TBC1D12: variants seen among roughly 807,000 people sequenced by gnomAD.
TBC1D12 encodes TBC1 domain family, member 12.
A neutral mutation model predicts 86.7 loss-of-function variants in TBC1D12; 56 were observed. That is an observed-to-expected ratio of 0.65 (90% CI 0.52 to 0.81). The LOEUF is 0.81. Ranked by LOEUF, TBC1D12 falls within the 30% of genes least tolerant of loss-of-function variation. TBC1D12 has a pLI of 0.00. For missense variants in TBC1D12, 1,023 were observed against 1,038.8 expected, an observed-to-expected ratio of 0.98 and a Z score of 0.21; for synonymous variants, 421 against 411.7, an observed-to-expected ratio of 1.02 and a Z score of -0.27.
chr10:94,404,062 C>T (rs1195290476), intron 1 of TBC1D12, among the ~76,000 whole-genome samples: 1 of 152,138 alleles, frequency 6.6e-6, no homozygotes, highest in Non-Finnish European at 1.5e-5. Context: ...TTTTGTAGAG[C>T]TGTTTATTTG....
At chr10:94,407,722 AAGG>A in intron 1 of TBC1D12, among the ~76,000 whole-genome samples, 1 of 151,894 alleles carries the variant, frequency 6.6e-6, no homozygotes, top group East Asian at 1.9e-4. Flanking sequence ...ACTCAGCAGT[AAGG>A]AGGAGTGAAA....
At chr10:94,496,800 G>C (rs542345296) in intron 4 of TBC1D12, among the ~76,000 whole-genome samples, 27 of 152,224 alleles carry the variant, frequency 1.8e-4, no homozygotes, top group African/African-American at 4.3e-4. Flanking sequence ...GGAGTTCAAG[G>C]CCACCTGAGC....
intron 11 of TBC1D12, among the ~76,000 whole-genome samples, chr10:94,529,291 G>A (rs544088506): frequency 4.6e-5 from 7 of 152,302 alleles, no homozygotes; most frequent in African/African-American, 1.7e-4. Flanking sequence ...ACAGGCATGA[G>A]CCACCAGACC....
chr10:94,433,341 A>T (rs1026856055), intron 1 of TBC1D12, among the ~76,000 whole-genome samples: 1 of 151,770 alleles, frequency 6.6e-6, no homozygotes, highest in Non-Finnish European at 1.5e-5. Context: ...CTGTTCTCGA[A>T]CTCCTGACTG....
At chr10:94,512,908 A>G (rs1427833913) in intron 9 of TBC1D12, among the ~76,000 whole-genome samples, 1 of 152,170 alleles carries the variant, frequency 6.6e-6, no homozygotes, top group African/African-American at 2.4e-5. Flanking sequence ...AAATAATTTA[A>G]TTTTTTAGCA....
At chr10:94,474,642 A>C (rs1198214737) in intron 2 of TBC1D12, 26 bp from the exon 3 acceptor site, 1 of 1,557,886 alleles carries the variant, frequency 6.4e-7, no homozygotes, top group Non-Finnish European at 8.9e-7. Flanking sequence ...CAGTTTCTGC[A>C]TAAGGTATGT....
intron 1 of TBC1D12, among the ~76,000 whole-genome samples, chr10:94,428,226 G>A (rs140318039): frequency 1.6e-4 from 24 of 150,330 alleles, no homozygotes; most frequent in Non-Finnish European, 3.4e-4. Context: ...GTAGGTTGGT[G>A]TATTGAATCC....
chr10:94,459,111 ATTTTACAGAGAGCTGATTGGTC>A (rs1564956751), intron 2 of TBC1D12, among the ~76,000 whole-genome samples: 2 of 150,726 alleles, frequency 1.3e-5, no homozygotes, highest in African/African-American at 4.9e-5. Context: ...TGATTGGTCC[ATTTTACAGAGAGCTGATTGGTC>A]CATTTTGACA....
chr10:94,422,866 C>T (rs573032092), intron 1 of TBC1D12, among the ~76,000 whole-genome samples: 4 of 152,296 alleles, frequency 2.6e-5, no homozygotes, highest in African/African-American at 9.6e-5. Context: ...GCCACCACAC[C>T]TGGCTAAGCT....
At chr10:94,462,347 A>G (rs1159361238) in intron 2 of TBC1D12, among the ~76,000 whole-genome samples, 1 of 152,188 alleles carries the variant, frequency 6.6e-6, no homozygotes, top group African/African-American at 2.4e-5. Context: ...AAATGTAAAT[A>G]TTGTGAGGGG....
At chr10:94,520,320 AGGTG>A (rs1842114468) in intron 9 of TBC1D12, among the ~76,000 whole-genome samples, 1 of 152,126 alleles carries the variant, frequency 6.6e-6, no homozygotes, top group Non-Finnish European at 1.5e-5. Flanking sequence ...TGGGAGGCCG[AGGTG>A]GGTGGATCAC....
chr10:94,489,156 C>T (rs982145619), intron 3 of TBC1D12, among the ~76,000 whole-genome samples: 2 of 152,122 alleles, frequency 1.3e-5, no homozygotes, highest in African/African-American at 2.4e-5. Context: ...CCTGTGATTG[C>T]GAGGCTTGCC....
chr10:94,533,384 A>T lies in TBC1D12; in HGVS notation c.*288A>T, dbSNP rs1420300676. On this transcript the variant is annotated 3_prime_UTR_variant, in exon 13 of 13. Coordinates refer to ENST00000225235, the MANE Select transcript of TBC1D12 (RefSeq NM_015188.2). ...GTAAACAAAATGCAATAAATTTTTA[A>T]AATAGCTTTGAAGATACTTCAAATT... 4.6e-5 allele frequency: 11 copies of T among 239,794 alleles called. No individual in the cohort carries two copies. Among genetic ancestry groups the T allele is most frequent in the African/African-American group, 2.5e-4 (11 of 43,430 alleles). The allele number at this position is 239,794 out of a possible 1,614,324, so 14.9% of individuals were successfully genotyped here. A position where few individuals can be genotyped will look rare whatever the true frequency, so the allele number is the denominator to read the frequency against.
chr10:94,502,534 G>A (rs1354227438), intron 6 of TBC1D12, among the ~76,000 whole-genome samples: 5 of 151,740 alleles, frequency 3.3e-5, no homozygotes, highest in African/African-American at 1.2e-4. Flanking sequence ...GCGAGACCCC[G>A]TCTCTACAAA....
intron 1 of TBC1D12, among the ~76,000 whole-genome samples, chr10:94,417,576 T>TGGAG (rs2055015506): frequency 6.6e-6 from 1 of 152,188 alleles, no homozygotes; most frequent in Non-Finnish European, 1.5e-5. Context: ...GGAAAAACCC[T>TGGAG]GGAGGTGTAA....
intron 1 of TBC1D12, among the ~76,000 whole-genome samples, chr10:94,419,116 A>G (rs936669100): frequency 1.3e-4 from 19 of 151,966 alleles, no homozygotes; most frequent in African/African-American, 4.3e-4. Flanking sequence ...CTCGTGATCC[A>G]CCGGCCTCGG....
intron 6 of TBC1D12, 144 bp from the exon 7 acceptor site, chr10:94,507,123 A>G (rs2056469544): frequency 2.8e-6 from 2 of 702,670 alleles, no homozygotes; most frequent in African/African-American, 1.8e-5. Flanking sequence ...TTTTGGTAGA[A>G]TCAAGTACTT....
intron 2 of TBC1D12, among the ~76,000 whole-genome samples, chr10:94,444,202 A>G (rs1442303478): frequency 6.6e-6 from 1 of 151,146 alleles, no homozygotes; most frequent in African/African-American, 2.4e-5. Context: ...GAAAGAAAAC[A>G]TATTTCTTTT....
At chr10:94,496,277 A>G (rs945999475) in intron 4 of TBC1D12, among the ~76,000 whole-genome samples, 3 of 152,076 alleles carry the variant, frequency 2.0e-5, no homozygotes, top group Non-Finnish European at 2.9e-5. Flanking sequence ...TTTCGTCTGT[A>G]TTTGAGACAT....
Sources: gnomAD v4.1 joint callset for allele counts (sites outside exome capture counted in the v4.1 genomes callset) on GRCh38, gnomAD v4.1.1 for gene constraint, MANE v1.5 for transcripts, NCBI Gene and HGNC (gene_info 2026-07-23, HGNC 2026-07-21) for gene names.